NALCN: variants seen among roughly 807,000 people sequenced by gnomAD.
The protein encoded by NALCN is sodium leak channel, non-selective.
In NALCN, 111 loss-of-function variants were observed where a neutral mutation model predicts 225.3. The ratio of observed to expected loss-of-function variants is 0.49; its 90% CI spans 0.42 to 0.58. NALCN has a LOEUF of 0.58. Ranked by LOEUF, NALCN falls within the 20% of genes least tolerant of loss-of-function variation. The pLI, the probability that NALCN is intolerant of heterozygous loss-of-function variation, is 0.00. For missense variants in NALCN, 1,378 were observed against 2,202.4 expected (o/e 0.63, Z 7.49); for synonymous variants, 764 against 769.0 (o/e 0.99, Z 0.11).
At chr13:101,411,054 G>GT (rs2047766895) in intron 1 of NALCN, among the ~76,000 whole-genome samples, 1 of 151,874 alleles carries the variant, frequency 6.6e-6, no homozygotes. Context: ...ATTCCAATTT[G>GT]TTGGCATTCT....
At chr13:101,232,560 C>T (rs189615617) in intron 12 of NALCN, among the ~76,000 whole-genome samples, 6 of 152,000 alleles carry the variant, frequency 3.9e-5, no homozygotes, top group African/African-American at 1.4e-4. Flanking sequence ...ATTCTCCTGC[C>T]TCAGCCTCCC....
intron 17 of NALCN, among the ~76,000 whole-genome samples, chr13:101,140,998 C>T (rs776068904): frequency 2.6e-5 from 4 of 152,032 alleles, no homozygotes; most frequent in Non-Finnish European, 5.9e-5. Flanking sequence ...AATATGCAAG[C>T]CTTTAAGGAT....
At position 101,352,204 on chromosome 13, in the gene NALCN, A is replaced by T. The variant is rs953811543; in HGVS notation, c.645-6784T>A. ...TATGAGAGAGAATAAAAAAGGAATGACCACAGGAGAGTGTGATGAATGCTT... is the reference window on the plus strand; with the variant it reads ...TATGAGAGAGAATAAAAAAGGAATGTCCACAGGAGAGTGTGATGAATGCTT... On this transcript the variant is annotated intron_variant, in intron 6 of 43. Transcript: ENST00000251127. 4.3e-4 allele frequency among the ~76,000 whole-genome samples: 66 copies of T among 152,198 alleles called. 2 individuals are homozygous for T. Among genetic ancestry groups the T allele is most frequent in the Non-Finnish European group, 1.5e-5 (1 of 68,026 alleles).
At position 101,254,786 on chromosome 13, in the gene NALCN, G is replaced by A. The variant is rs981709776; in HGVS notation, c.1266+3657C>T. Among the ~76,000 whole-genome samples the A allele has an allele frequency of 5.3e-5, 6 of 112,924 alleles. 2 individuals carry two copies. The highest frequency in any genetic ancestry group is 1.8e-4 in the African/African-American group (6 of 33,952). The allele number at this position is 112,924 out of a possible 152,430, so 74.1% of individuals were successfully genotyped here. ...GGCGCCTGTAGTCCCAGCTACTTGG[G>A]AGGCTGAGGCAGGAGAATGGCGTGA... On this transcript the variant is annotated intron_variant, in intron 11 of 43. Transcript: ENST00000251127.
At chr13:101,148,278 T>G (rs887019908) in intron 15 of NALCN, among the ~76,000 whole-genome samples, 1 of 152,164 alleles carries the variant, frequency 6.6e-6, no homozygotes, top group African/African-American at 2.4e-5. Flanking sequence ...CTTGCCTTTC[T>G]CTTGTTTCTC....
intron 15 of NALCN, among the ~76,000 whole-genome samples, chr13:101,163,885 A>AG (rs1183077601): frequency 1.3e-5 from 2 of 152,116 alleles, no homozygotes; most frequent in African/African-American, 2.4e-5. Context: ...GGAGGTTCTG[A>AG]GGGGGGTCTA....
rs183214735 is a variant in NALCN, at chr13:101,110,391, A to G, written c.2364+228T>C. 1.6e-4 allele frequency among the ~76,000 whole-genome samples: 24 copies of G among 152,288 alleles called. No homozygotes were observed. In the East Asian group the frequency reaches 4.1e-3, roughly 26 times the overall value. ...AATGACACTTTTGTGTTACTATTTT[A>G]ACTAAGACATGTGCTTTGTGTGGGA... On this transcript the variant is annotated intron_variant, in intron 20 of 43. Coordinates refer to ENST00000251127, the MANE Select transcript of NALCN (RefSeq NM_052867.4).
intron 14 of NALCN, among the ~76,000 whole-genome samples, chr13:101,188,571 C>T (rs1179985661): frequency 6.6e-6 from 1 of 151,436 alleles, no homozygotes; most frequent in African/African-American, 2.4e-5. Context: ...TATATACACA[C>T]ACATATATAT....
At chr13:101,308,296 T>C (rs188646349) in intron 7 of NALCN, among the ~76,000 whole-genome samples, 119 of 152,196 alleles carry the variant, frequency 7.8e-4, no homozygotes, top group African/African-American at 2.8e-3. Context: ...CTGCAAGGAG[T>C]TGTGGCCTTG....
chr13:101,334,780 T>C (rs908819193), intron 7 of NALCN, among the ~76,000 whole-genome samples: 4 of 152,038 alleles, frequency 2.6e-5, no homozygotes, highest in Admixed American at 6.6e-5. Flanking sequence ...GCATTACTTA[T>C]TGCAGGGAAA....
At chr13:101,172,591 G>A (rs1345352276) in intron 15 of NALCN, among the ~76,000 whole-genome samples, 4 of 152,038 alleles carry the variant, frequency 2.6e-5, no homozygotes, top group African/African-American at 7.2e-5. Flanking sequence ...ACGGAGTCTC[G>A]CTCTGTCACC....
intron 10 of NALCN, among the ~76,000 whole-genome samples, chr13:101,274,221 G>A (rs1056396954): frequency 2.6e-5 from 4 of 151,574 alleles, no homozygotes; most frequent in Non-Finnish European, 5.9e-5. Context: ...ACAAAGGCAC[G>A]GATAAGAAAG....
In NALCN at chr13:101,376,710, T is replaced by G; in HGVS notation, c.634A>C (p.Thr212Pro). The G allele has an allele frequency of 6.3e-7, 1 of 1,598,764 alleles. No individual in the cohort carries two copies. The highest frequency in any genetic ancestry group is 8.5e-7 in the Non-Finnish European group (1 of 1,176,258). The change falls in exon 6 of 44, where the codon ACA becomes CCA. Residue 212 changes from threonine to proline, a missense_variant. Coordinates refer to ENST00000251127, the MANE Select transcript of NALCN (RefSeq NM_052867.4). The stretch of plus-strand genomic sequence containing the variant: ...AATAGATAAACTTACCCTGGCTTTG[T>G]GTCATTTACAACACAGTGATAAGTA... ...TFTYHCVVND[T>P]KPGNVTWNSL...
intron 6 of NALCN, among the ~76,000 whole-genome samples, chr13:101,360,471 C>T (rs4772369): frequency 0.11 from 15,989 of 152,062 alleles, 1,271 homozygotes; most frequent in East Asian, 0.35. Context: ...AGTCTCAAGT[C>T]ATCTGCCCGT....
In NALCN at chr13:101,107,613, G is replaced by C. The variant is rs200652639; in HGVS notation, c.2457-4C>G. 1,324 of 1,614,048 alleles carry C rather than the reference G, an allele frequency of 8.2e-4. 12 individuals carry two copies. The South Asian group carries it at 8.8e-3, about 11-fold the overall frequency. ...GAGTTCCTCTTCTTGCACTTTCCTT[G>C]AAGGAGAAATTCATGGGAGAATGAG... is the stretch of plus-strand genomic sequence containing the variant. On this transcript the variant is annotated splice_region_variant and splice_polypyrimidine_tract_variant and intron_variant, in intron 21 of 43. Coordinates refer to ENST00000251127, the MANE Select transcript of NALCN (RefSeq NM_052867.4).
At chr13:101,241,635 G>C (rs1474588506) in intron 11 of NALCN, among the ~76,000 whole-genome samples, 2 of 152,020 alleles carry the variant, frequency 1.3e-5, no homozygotes, top group Non-Finnish European at 2.9e-5. Context: ...TAGAGATGGG[G>C]TTTCACCATG....
intron 15 of NALCN, among the ~76,000 whole-genome samples, chr13:101,171,319 CG>C (rs1555304532): frequency 6.8e-6 from 1 of 147,372 alleles, no homozygotes; most frequent in Non-Finnish European, 1.5e-5. Context: ...TATACATATA[CG>C]TATAGATATT....
chr13:101,213,914 A>G (rs968777454), intron 13 of NALCN, among the ~76,000 whole-genome samples: 1 of 152,176 alleles, frequency 6.6e-6, no homozygotes, highest in African/African-American at 2.4e-5. Context: ...AACTAGAAAT[A>G]CCATTTGACC....
intron 20 of NALCN, among the ~76,000 whole-genome samples, chr13:101,108,095 ATATATT>A (rs1230366921): frequency 1.3e-5 from 2 of 148,608 alleles, no homozygotes; most frequent in African/African-American, 4.9e-5. Context: ...TATGAAATGT[ATATATT>A]TATAATTATG....
Sources: allele counts gnomAD v4.1 joint callset (sites outside exome capture counted in the v4.1 genomes callset), GRCh38; gene constraint gnomAD v4.1.1; transcripts MANE v1.5; gene names NCBI Gene and HGNC (gene_info 2026-07-23, HGNC 2026-07-21).